Variants in GABRA3 observed in about 807,000 individuals in gnomAD.
The protein encoded by GABRA3 is gamma-aminobutyric acid type A receptor subunit alpha3.
In GABRA3, 10 loss-of-function variants were observed where a neutral mutation model predicts 30.1. The observed-to-expected ratio is 0.33, with a 90% confidence interval of 0.20 to 0.56. The LOEUF is 0.56. Among genes scored for constraint, GABRA3 ranks in the 20% least tolerant of loss-of-function variants. The probability of loss-of-function intolerance (pLI) is 0.89; values close to 1 mark genes in which losing one functional copy is unlikely to be tolerated. For missense variants in GABRA3, 233 were observed against 392.0 expected, an observed-to-expected ratio of 0.59 and a Z score of 3.42; for synonymous variants, 151 against 146.8, an observed-to-expected ratio of 1.03 and a Z score of -0.21.
chrX:152,292,857 G>A (rs748524737), intron 3 of GABRA3, among the ~76,000 whole-genome samples: 35 of 111,762 alleles, frequency 3.1e-4, no homozygotes, highest in South Asian at 7.5e-4. Context: ...GTAGCTGTGC[G>A]GTTTTGAGTG....
At chrX:152,424,928 CT>C (rs747255822) in intron 1 of GABRA3, among the ~76,000 whole-genome samples, 4,508 of 42,427 alleles carry the variant, frequency 0.11, 485 homozygotes, top group African/African-American at 0.36. Context: ...TTTTTCTTTT[CT>C]TTTTTTTTTT....
intron 4 of GABRA3, among the ~76,000 whole-genome samples, chrX:152,264,422 C>T (rs921937867): frequency 1.8e-5 from 2 of 111,405 alleles, no homozygotes; most frequent in African/African-American, 6.5e-5. Flanking sequence ...TTGTCATCAG[C>T]TTAAATAACG....
At chrX:152,363,254 T>C (rs1928560566) in intron 2 of GABRA3, among the ~76,000 whole-genome samples, 1 of 111,957 alleles carries the variant, frequency 8.9e-6, no homozygotes, top group Admixed American at 9.5e-5. Context: ...CTGTGTAGTA[T>C]TGTGGAAAAT....
intron 9 of GABRA3, among the ~76,000 whole-genome samples, chrX:152,172,012 C>T (rs1382868170): frequency 9.0e-6 from 1 of 111,570 alleles, no homozygotes; most frequent in East Asian, 2.8e-4. Context: ...TGTGTCAACC[C>T]CCTTGCAGGT....
intron 9 of GABRA3, among the ~76,000 whole-genome samples, chrX:152,189,208 G>T (rs900343270): frequency 8.9e-6 from 1 of 112,181 alleles, no homozygotes; most frequent in Non-Finnish European, 1.9e-5. Context: ...ATCTGTGAAT[G>T]ATTCCAGAAA....
chrX:152,208,717 C>T (rs183419832), intron 6 of GABRA3, among the ~76,000 whole-genome samples: 1 of 111,169 alleles, frequency 9.0e-6, no homozygotes, highest in Non-Finnish European at 1.9e-5. Flanking sequence ...TTGTTTTCAA[C>T]GAGCCTTGCA....
intron 8 of GABRA3, 69 bp from the exon 9 acceptor site, chrX:152,190,010 A>C (rs1210092607): frequency 1.3e-5 from 10 of 786,328 alleles, no homozygotes; most frequent in South Asian, 2.7e-5. Flanking sequence ...TGAAATCACT[A>C]ATTTCCTATT....
intron 2 of GABRA3, among the ~76,000 whole-genome samples, chrX:152,352,889 G>T (rs1343879778): frequency 9.0e-6 from 1 of 110,790 alleles, no homozygotes; most frequent in Admixed American, 9.7e-5. Context: ...AGGCAAATCA[G>T]ATTACTCACC....
chrX:152,184,833 T>C (rs1351639660), intron 9 of GABRA3, among the ~76,000 whole-genome samples: 1 of 111,572 alleles, frequency 9.0e-6, no homozygotes, highest in African/African-American at 3.2e-5. Context: ...GAAGCAGTGA[T>C]AAAAACATGT....
chrX:152,190,897 T>C (rs1454606127), intron 8 of GABRA3, among the ~76,000 whole-genome samples: 1 of 108,622 alleles, frequency 9.2e-6, no homozygotes, highest in Admixed American at 1.0e-4. Flanking sequence ...TAATATAAAA[T>C]TGTGATTAAC....
At chrX:152,300,780 G>A (rs1173583779) in intron 3 of GABRA3, among the ~76,000 whole-genome samples, 1 of 112,031 alleles carries the variant, frequency 8.9e-6, no homozygotes, top group East Asian at 2.8e-4. Context: ...GCAGAACAGA[G>A]ATGACAAAGG....
chrX:152,350,962 A>G (rs1477155378), intron 2 of GABRA3, among the ~76,000 whole-genome samples: 1 of 112,197 alleles, frequency 8.9e-6, no homozygotes, highest in Non-Finnish European at 1.9e-5. Flanking sequence ...GAAAAATAAT[A>G]TTTCAAAAGG....
chrX:152,361,671 A>G (rs2124492911), intron 2 of GABRA3, among the ~76,000 whole-genome samples: 1 of 107,205 alleles, frequency 9.3e-6, no homozygotes, highest in Non-Finnish European at 1.9e-5. Flanking sequence ...TTTTAGAGAT[A>G]GAGTCTCACT....
chrX:152,199,323 GCC>G (rs1259892696), intron 7 of GABRA3, among the ~76,000 whole-genome samples: 1 of 103,671 alleles, frequency 9.6e-6, no homozygotes, highest in Non-Finnish European at 2.0e-5. Flanking sequence ...CCAAGGTCGT[GCC>G]ACTGCACTCC....
chrX:152,235,537 T>A, intron 5 of GABRA3, among the ~76,000 whole-genome samples: 1 of 102,427 alleles, frequency 9.8e-6, no homozygotes, highest in Non-Finnish European at 2.0e-5. Flanking sequence ...CTCAGTAAAG[T>A]TGCAGGATAC....
intron 9 of GABRA3, among the ~76,000 whole-genome samples, chrX:152,176,989 A>T (rs978872521): frequency 8.9e-6 from 1 of 112,152 alleles, no homozygotes; most frequent in Non-Finnish European, 1.9e-5. Context: ...AATACCAAGG[A>T]CGAACAAGAA....
intron 1 of GABRA3, among the ~76,000 whole-genome samples, chrX:152,427,715 G>T (rs1009309793): frequency 8.9e-6 from 1 of 112,043 alleles, no homozygotes; most frequent in Admixed American, 9.5e-5. Context: ...TTCTAGCACA[G>T]TCAGCTGATA....
At chrX:152,271,797 C>A (rs1258079232) in intron 4 of GABRA3, among the ~76,000 whole-genome samples, 3 of 111,513 alleles carry the variant, frequency 2.7e-5, no homozygotes, top group Admixed American at 9.5e-5. Flanking sequence ...ACTTGGTGTC[C>A]TGCATCCCAG....
chrX:152,214,457 C>T (rs1483962523), intron 6 of GABRA3, among the ~76,000 whole-genome samples: 5 of 111,344 alleles, frequency 4.5e-5, no homozygotes, highest in Admixed American at 2.9e-4. Context: ...TATGCCACTA[C>T]CATGCTGTTT....
Sources: gnomAD v4.1 joint callset for allele counts (sites outside exome capture counted in the v4.1 genomes callset) on GRCh38, gnomAD v4.1.1 for gene constraint, MANE v1.5 for transcripts, NCBI Gene and HGNC (gene_info 2026-07-23, HGNC 2026-07-21) for gene names.